TIMP4: variants seen among roughly 807,000 people sequenced by gnomAD.
TIMP4 encodes metalloproteinase inhibitor 4.
Under a neutral mutation model 27.3 loss-of-function variants are expected in TIMP4, and 28 were observed. The observed-to-expected ratio is 1.03, with a 90% CI of 0.76 to 1.41. The LOEUF (loss-of-function observed/expected upper bound fraction) is 1.41, where lower values mean the gene tolerates loss of function less well. Among genes scored for constraint, TIMP4 ranks in the 40% most tolerant of loss-of-function variants. The probability of loss-of-function intolerance (pLI) is 0.00; values close to 1 mark genes in which losing one functional copy is unlikely to be tolerated. For missense variants in TIMP4, 307 were observed against 285.5 expected, an observed-to-expected ratio of 1.08 and a Z score of -0.54; for synonymous variants, 138 against 115.5, an observed-to-expected ratio of 1.20 and a Z score of -1.25.
chr3:12,155,653 C>G (rs1022720610), intron 3 of TIMP4, among the ~76,000 whole-genome samples: 1 of 152,204 alleles, frequency 6.6e-6, no homozygotes, highest in African/African-American at 2.4e-5. Context: ...GGAGCTTGTG[C>G]CTTCTCCTGT....
At position 12,158,824 on chromosome 3, in the gene TIMP4, C is replaced by T. The variant is rs779751780; in HGVS notation, c.17G>A (p.Arg6Gln). ...CAACAGCACCCAGCTTGGCGCGGGC[C>T]GAGGGCTCCCAGGCATGACACTGCA... MPGSP[R>Q]PAPSWVLLLR... The change falls in exon 1 of 5, where the codon CGG becomes CAG. Residue 6 changes from arginine (R) to glutamine (Q), a missense_variant. Transcript: ENST00000287814. 8.8e-6 allele frequency: 14 copies of T among 1,592,650 alleles called. No homozygotes were observed. Among genetic ancestry groups the T allele is most frequent in the East Asian group, 6.7e-5 (3 of 44,574 alleles).
At chr3:12,155,672 G>A (rs1461821723) in intron 3 of TIMP4, among the ~76,000 whole-genome samples, 1 of 152,094 alleles carries the variant, frequency 6.6e-6, no homozygotes, top group Non-Finnish European at 1.5e-5. Context: ...GTAGGACCTG[G>A]GCACCATTGA....
Position 12,157,492 on chromosome 3 carries a change from A to T in TIMP4, c.140-10T>A, listed in dbSNP as rs1697492930. 1.2e-6 allele frequency: 2 copies of T among 1,613,718 alleles called. No homozygotes were observed. Among genetic ancestry groups the T allele is most frequent in the Admixed American group, 3.3e-5 (2 of 60,010 alleles). On this transcript the variant is annotated splice_polypyrimidine_tract_variant and intron_variant, in intron 1 of 4. Transcript: ENST00000287814. ...ATTTTGGCCCGAATCACTGCATAGGAAGAGAAAAGAGGGAACCTTCAGCAG... is the reference window on the plus strand; with the variant it reads ...ATTTTGGCCCGAATCACTGCATAGGTAGAGAAAAGAGGGAACCTTCAGCAG...
At chr3:12,154,075 G>A (rs1697381508) in intron 4 of TIMP4, among the ~76,000 whole-genome samples, 1 of 152,104 alleles carries the variant, frequency 6.6e-6, no homozygotes, top group African/African-American at 2.4e-5. Flanking sequence ...ACAGTGGCTG[G>A]CAAAGAATAG....
At position 12,158,709 on chromosome 3, in the gene TIMP4, C is replaced by A. The variant is rs780231535; in HGVS notation, c.132G>T (p.Ser44=). 1.3e-5 allele frequency: 21 copies of A among 1,610,352 alleles called. No homozygotes were observed. The South Asian group carries it at 2.2e-4, about 17-fold the overall frequency. Residue 44 remains serine (S), a synonymous_variant, in exon 1 of 5, where the codon TCG becomes TCT. Transcript: ENST00000287814. ...CGCGGACCTCGGACTCACCAAGTGC[C>A]GAGTGGCAGATGTGCTGCTGAGGGT... is the stretch of plus-strand genomic sequence containing the variant. ...PAHPQQHICH[S]ALVIRAKISS... is the part of the protein sequence containing the mutation.
rs775675942 is a variant in TIMP4, at chr3:12,154,435, A to G, written c.369T>C (p.Asp123=). The change falls in exon 4 of 5, where the codon GAT becomes GAC. Residue 123 remains aspartate, a synonymous_variant. Transcript: ENST00000287814. ...QYLLTGQVLS[D]GKVFIHLCNY... ...TGCACAGATGGATGAAGACTTTTCCATCACTGAGGACCTGACCTTCAAGGG... is the reference window on the plus strand; with the variant it reads ...TGCACAGATGGATGAAGACTTTTCCGTCACTGAGGACCTGACCTTCAAGGG... 49 of 1,613,992 alleles carry G rather than the reference A, an allele frequency of 3.0e-5. No individual in the cohort carries two copies. Among genetic ancestry groups the G allele is most frequent in the Middle Eastern group, 1.6e-4 (1 of 6,084 alleles).
chr3:12,156,791 T>G (rs759512231), intron 3 of TIMP4, 29 bp downstream of exon 3: 5 of 1,570,680 alleles, frequency 3.2e-6, no homozygotes, highest in Non-Finnish European at 4.4e-6. Flanking sequence ...TCTATTATAT[T>G]AAGGCCAGTT....
intron 4 of TIMP4, 128 bp from the exon 5 acceptor site, chr3:12,153,840 T>G: frequency 1.0e-6 from 1 of 984,914 alleles, no homozygotes; most frequent in Non-Finnish European, 1.5e-6. Context: ...CCTTTCCCAG[T>G]CCCCAGTCTT....
chr3:12,158,119 C>T lies in TIMP4; in HGVS notation c.139+583G>A, dbSNP rs113215452. Among the ~76,000 whole-genome samples, 827 of 152,190 alleles carry T rather than the reference C, an allele frequency of 5.4e-3. 3 individuals are homozygous for T. Among genetic ancestry groups the T allele is most frequent in the African/African-American group, 0.018 (747 of 41,526 alleles). ...GAACAACAGCACAGCATAGTAGGAG[C>T]GCTAAGACGGTTAGAGATGCTGAGG... On this transcript the variant is annotated intron_variant, in intron 1 of 4. Transcript: ENST00000287814.
intron 3 of TIMP4, among the ~76,000 whole-genome samples, chr3:12,155,951 C>T (rs1479629528): frequency 1.3e-5 from 2 of 152,178 alleles, no homozygotes; most frequent in Admixed American, 1.3e-4. Context: ...TGTACAATTC[C>T]ACATCCTCAG....
At chr3:12,156,441 A>C (rs1697459926) in intron 3 of TIMP4, among the ~76,000 whole-genome samples, 1 of 152,200 alleles carries the variant, frequency 6.6e-6, no homozygotes, top group Non-Finnish European at 1.5e-5. Flanking sequence ...GCTCCTGTTA[A>C]GTCCTGTGCA....
chr3:12,158,652 A>C, intron 1 of TIMP4, 50 bp downstream of exon 1: 2 of 1,602,842 alleles, frequency 1.2e-6, no homozygotes, highest in African/African-American at 1.3e-5. Flanking sequence ...GCCAGATACT[A>C]ATCCCCCACA....
chr3:12,156,062 T>A (rs953282739), intron 3 of TIMP4, among the ~76,000 whole-genome samples: 2 of 152,308 alleles, frequency 1.3e-5, no homozygotes, highest in African/African-American at 4.8e-5. Flanking sequence ...TGTTACTGAA[T>A]CTCCACTCTC....
At chr3:12,155,656 T>G (rs969920722) in intron 3 of TIMP4, among the ~76,000 whole-genome samples, 2 of 152,204 alleles carry the variant, frequency 1.3e-5, no homozygotes, top group Admixed American at 1.3e-4. Context: ...GCTTGTGCCT[T>G]CTCCTGTAGG....
intron 4 of TIMP4, 125 bp from the exon 5 acceptor site, chr3:12,153,837 C>T: frequency 3.0e-6 from 3 of 1,013,250 alleles, no homozygotes; most frequent in Non-Finnish European, 4.4e-6. Context: ...AAGCCTTTCC[C>T]AGTCCCCAGT....
chr3:12,154,446 C>G lies in TIMP4; in HGVS notation c.358G>C (p.Val120Leu), dbSNP rs1226277069. The change falls in exon 4 of 5, where the codon GTC becomes CTC. Residue 120 changes from valine to leucine, a missense_variant. Physicochemically the swap from Val to Leu is conservative, Grantham distance 32. Coordinates refer to ENST00000287814, the MANE Select transcript of TIMP4 (RefSeq NM_003256.4). ...SQKQYLLTGQ[V>L]LSDGKVFIHL... is the part of the protein sequence containing the mutation. ...ATGAAGACTTTTCCATCACTGAGGACCTGACCTTCAAGGGGAGATGGAGGA... is the reference window on the plus strand; with the variant it reads ...ATGAAGACTTTTCCATCACTGAGGAGCTGACCTTCAAGGGGAGATGGAGGA... 1.2e-6 allele frequency: 2 copies of G among 1,613,944 alleles called. No homozygotes were observed. The highest frequency in any genetic ancestry group is 4.5e-5 in the East Asian group (2 of 44,890).
At position 12,153,538 on chromosome 3, in the gene TIMP4, A is replaced by C. The variant is rs1372416775; in HGVS notation, c.652T>G (p.Phe218Val). The change falls in exon 5 of 5, where the codon TTT becomes GTT. Residue 218 changes from phenylalanine to valine, a missense_variant. By Grantham distance (50) the Phe-to-Val change is conservative (BLOSUM62 -1). Coordinates refer to ENST00000287814, the MANE Select transcript of TIMP4 (RefSeq NM_003256.4). ...TACTAGGGCTGAACGATGTCAACAA[A>C]CTCCTTCCTGAGAGGCAGGTGGCCC... is the stretch of plus-strand genomic sequence containing the variant. ...YRGHLPLRKE[F>V]VDIVQP The C allele has an allele frequency of 6.2e-7, 1 of 1,613,432 alleles. No individual in the cohort carries two copies. The highest frequency in any genetic ancestry group is 8.5e-7 in the Non-Finnish European group (1 of 1,179,920).
Position 12,153,625 on chromosome 3 carries a change from C to G in TIMP4, c.565G>C (p.Gly189Arg). The change falls in exon 5 of 5, where the codon GGT (glycine) becomes CGT (arginine). Residue 189 changes from glycine to arginine, a missense_variant. Coordinates refer to ENST00000287814, the MANE Select transcript of TIMP4 (RefSeq NM_003256.4). ...TDWLLERKLY[G>R]YQAQHYVCMK... Reference sequence around the variant, plus strand: ...CAGACATAATGCTGAGCCTGGTAACCATAGAGCTTTCGTTCCAACAGCCAG... The same window carrying G: ...CAGACATAATGCTGAGCCTGGTAACGATAGAGCTTTCGTTCCAACAGCCAG... 1 of 1,614,182 alleles carries G rather than the reference C, an allele frequency of 6.2e-7. No homozygotes were observed. Among genetic ancestry groups the G allele is most frequent in the Non-Finnish European group, 8.5e-7 (1 of 1,180,034 alleles).
At chr3:12,158,618 C>T in intron 1 of TIMP4, 84 bp downstream of exon 1, 1 of 1,561,490 alleles carries the variant, frequency 6.4e-7, no homozygotes, top group Non-Finnish European at 8.7e-7. Flanking sequence ...CTCCCTTTTC[C>T]TCTGGACTCC....
Sources: allele counts gnomAD v4.1 joint callset (sites outside exome capture counted in the v4.1 genomes callset), GRCh38; gene constraint gnomAD v4.1.1; transcripts MANE v1.5; gene names NCBI Gene and HGNC (gene_info 2026-07-23, HGNC 2026-07-21).